Variants in LPAR1 observed in about 807,000 individuals in gnomAD.
The protein encoded by LPAR1 is LPA receptor 1.
Under a neutral mutation model 23.8 loss-of-function variants are expected in LPAR1, and 5 were observed. That is an observed-to-expected ratio of 0.21 (90% CI 0.11 to 0.44). The LOEUF (loss-of-function observed/expected upper bound fraction) is 0.44, where lower values mean the gene tolerates loss of function less well. Ranked by LOEUF, LPAR1 falls within the 20% of genes least tolerant of loss-of-function variation. The pLI, the probability that LPAR1 is intolerant of heterozygous loss-of-function variation, is 0.99. For synonymous variants in LPAR1, 160 were observed against 164.7 expected, an observed-to-expected ratio of 0.97 and a Z score of 0.22; for missense variants, 311 against 482.8, an observed-to-expected ratio of 0.64 and a Z score of 3.33.
At chr9:110,997,609 T>C (rs1337043763) in intron 2 of LPAR1, among the ~76,000 whole-genome samples, 1 of 152,216 alleles carries the variant, frequency 6.6e-6, no homozygotes, top group Non-Finnish European at 1.5e-5. Context: ...ACCAGACTTT[T>C]AACAGAGTTT....
chr9:110,971,732 C>CA (rs57363496), intron 4 of LPAR1, among the ~76,000 whole-genome samples: 49 of 151,228 alleles, frequency 3.2e-4, no homozygotes, highest in African/African-American at 1.1e-3. Context: ...CACCCCACCC[C>CA]CCGGCCCACA....
At chr9:110,958,914 A>G (rs559152235) in intron 4 of LPAR1, among the ~76,000 whole-genome samples, 133 of 151,954 alleles carry the variant, frequency 8.8e-4, no homozygotes, top group African/African-American at 3.1e-3. Flanking sequence ...ATATGAATAC[A>G]CTTTCTCATA....
In LPAR1 at chr9:110,928,945, T is replaced by G. The variant is rs551513145; in HGVS notation, c.793+12476A>C. On this transcript the variant is annotated intron_variant, in intron 5 of 5. Transcript: ENST00000683809. ...TGAGTGAATGAGTTCATGCCTGCAA[T>G]ATAAATATGAGAAGCTTTTTGAAGC... is the stretch of plus-strand genomic sequence containing the variant. Among the ~76,000 whole-genome samples the G allele has an allele frequency of 2.6e-4, 39 of 152,340 alleles. No individual in the cohort carries two copies. In the South Asian group the frequency reaches 8.1e-3, roughly 32 times the overall value.
chr9:110,980,572 T>C (rs1163442724), intron 2 of LPAR1, among the ~76,000 whole-genome samples: 1 of 151,598 alleles, frequency 6.6e-6, no homozygotes, highest in Non-Finnish European at 1.5e-5. Context: ...GCTAAAAAAG[T>C]TGATCCCACA....
intron 5 of LPAR1, among the ~76,000 whole-genome samples, chr9:110,897,856 A>T (rs985344493): frequency 2.0e-5 from 3 of 151,956 alleles, no homozygotes; most frequent in African/African-American, 4.8e-5. Flanking sequence ...GTTGTCAAGG[A>T]TCATTGTCTC....
At chr9:110,932,650 T>C (rs2094478374) in intron 5 of LPAR1, among the ~76,000 whole-genome samples, 1 of 152,250 alleles carries the variant, frequency 6.6e-6, no homozygotes, top group African/African-American at 2.4e-5. Flanking sequence ...TGCGCAAGCA[T>C]TACTGCTTGA....
chr9:111,024,898 C>T (rs1588919511), intron 2 of LPAR1, among the ~76,000 whole-genome samples: 3 of 152,156 alleles, frequency 2.0e-5, no homozygotes, highest in Admixed American at 2.0e-4. Context: ...TTTATGGCTG[C>T]ATAGTATTCC....
At chr9:110,917,181 T>C (rs1188317403) in intron 5 of LPAR1, among the ~76,000 whole-genome samples, 1 of 75,704 alleles carries the variant, frequency 1.3e-5, no homozygotes, top group Non-Finnish European at 2.5e-5. Flanking sequence ...CTACTAAAAA[T>C]ACAAAAAAAA....
At chr9:110,936,257 TA>T (rs2094700220) in intron 5 of LPAR1, among the ~76,000 whole-genome samples, 2 of 152,242 alleles carry the variant, frequency 1.3e-5, no homozygotes, top group Non-Finnish European at 2.9e-5. Context: ...CTTGTTGAAG[TA>T]AACTGAAAAG....
intron 5 of LPAR1, among the ~76,000 whole-genome samples, chr9:110,901,895 T>A (rs2133872750): frequency 6.6e-6 from 1 of 152,290 alleles, no homozygotes; most frequent in South Asian, 2.1e-4. Flanking sequence ...AAGGGTCTTC[T>A]CCGACCCCAA....
intron 4 of LPAR1, among the ~76,000 whole-genome samples, chr9:110,943,655 T>C (rs58969585): frequency 0.027 from 4,143 of 152,112 alleles, 167 homozygotes; most frequent in African/African-American, 0.094. Context: ...AGGTCAGAAG[T>C]TCGAGACCAG....
At chr9:110,959,148 A>G (rs2095860876) in intron 4 of LPAR1, among the ~76,000 whole-genome samples, 1 of 126,162 alleles carries the variant, frequency 7.9e-6, no homozygotes, top group South Asian at 2.8e-4. Context: ...TATTAAAAAA[A>G]AACAGTATGA....
chr9:111,029,342 C>A (rs889152713), intron 2 of LPAR1, among the ~76,000 whole-genome samples: 17 of 152,202 alleles, frequency 1.1e-4, no homozygotes, highest in Non-Finnish European at 2.2e-4. Context: ...CAACAATCAT[C>A]ATGCTCTCGT....
At chr9:111,033,764 G>C (rs2097844966) in intron 2 of LPAR1, among the ~76,000 whole-genome samples, 1 of 152,204 alleles carries the variant, frequency 6.6e-6, no homozygotes, top group Non-Finnish European at 1.5e-5. Flanking sequence ...TGTTAGCCAG[G>C]CTGGTCTCAA....
chr9:110,907,916 AACACACAC>A (rs35043548), intron 5 of LPAR1, among the ~76,000 whole-genome samples: 1,414 of 139,782 alleles, frequency 0.01, 18 homozygotes, highest in African/African-American at 0.034. Context: ...CCTTTGACAA[AACACACAC>A]ACACACACAC....
intron 5 of LPAR1, among the ~76,000 whole-genome samples, 181 bp from the exon 6 acceptor site, chr9:110,875,903 G>A (rs1376861723): frequency 6.6e-6 from 1 of 152,054 alleles, no homozygotes; most frequent in Non-Finnish European, 1.5e-5. Context: ...TTTAACGATA[G>A]TCAACTTAAA....
intron 5 of LPAR1, among the ~76,000 whole-genome samples, chr9:110,889,952 C>T (rs1490507053): frequency 6.6e-6 from 1 of 151,848 alleles, no homozygotes; most frequent in African/African-American, 2.4e-5. Context: ...AAATATATAA[C>T]GTCCCCAAAA....
chr9:111,005,151 C>CAAAAAAAA (rs71371700), intron 2 of LPAR1, among the ~76,000 whole-genome samples: 1 of 74,286 alleles, frequency 1.3e-5, no homozygotes. Flanking sequence ...GACAAAGTCT[C>CAAAAAAAA]AAAAAAAAAA....
At chr9:110,944,944 C>G (rs1235062999) in intron 4 of LPAR1, among the ~76,000 whole-genome samples, 1 of 152,002 alleles carries the variant, frequency 6.6e-6, no homozygotes, top group African/African-American at 2.4e-5. Flanking sequence ...TGGATAAGAA[C>G]GCTATATTTC....
Sources: allele counts gnomAD v4.1 joint callset (sites outside exome capture counted in the v4.1 genomes callset), GRCh38; gene constraint gnomAD v4.1.1; transcripts MANE v1.5; gene names NCBI Gene and HGNC (gene_info 2026-07-23, HGNC 2026-07-21).